PANK1: variants seen among roughly 807,000 people sequenced by gnomAD.
The protein encoded by PANK1 is pantothenic acid kinase 1.
Under a neutral mutation model 40.1 loss-of-function variants are expected in PANK1, and 18 were observed. The ratio of observed to expected loss-of-function variants is 0.45; its 90% CI spans 0.31 to 0.67. PANK1 has a LOEUF of 0.67. Among genes scored for constraint, PANK1 ranks in the 30% least tolerant of loss-of-function variants. The probability of loss-of-function intolerance (pLI) is 0.06; values close to 1 mark genes in which losing one functional copy is unlikely to be tolerated. For synonymous variants in PANK1, 242 were observed against 237.7 expected (o/e 1.02, Z -0.17); for missense variants, 457 against 599.6 (o/e 0.76, Z 2.48).
At chr10:89,627,978 A>G (rs1390384796) in intron 1 of PANK1, among the ~76,000 whole-genome samples, 1 of 152,242 alleles carries the variant, frequency 6.6e-6, no homozygotes, top group East Asian at 1.9e-4. Context: ...CAAAACCACA[A>G]TGAGATACGA....
Position 89,611,771 on chromosome 10 carries a change from C to T in PANK1, c.570G>A (p.Lys190=). 6.2e-7 allele frequency: 1 copy of T among 1,614,222 alleles called. No individual in the cohort carries two copies. Among genetic ancestry groups the T allele is most frequent in the Middle Eastern group, 1.6e-4 (1 of 6,062 alleles). The change falls in exon 2 of 7, where the codon AAG becomes AAA. Residue 190 remains lysine, a synonymous_variant. Transcript: ENST00000307534. ...GGGTGGTGTGAAGGCTAGAGAAGTT[C>T]TTCTCGCTGCCCATCTGAATGAACC... is the stretch of plus-strand genomic sequence containing the variant. ...MHRFIQMGSE[K]NFSSLHTTLC... is the part of the protein sequence containing the mutation.
At chr10:89,601,130 C>A (rs1365570357) in intron 2 of PANK1, among the ~76,000 whole-genome samples, 1 of 151,916 alleles carries the variant, frequency 6.6e-6, no homozygotes, top group Non-Finnish European at 1.5e-5. Flanking sequence ...TACACAAGTA[C>A]TAGACTCAGA....
intron 3 of PANK1, among the ~76,000 whole-genome samples, chr10:89,595,825 AAAAAAAAAATAT>A (rs1844555079): frequency 2.9e-5 from 2 of 69,360 alleles, no homozygotes; most frequent in East Asian, 5.9e-4. Flanking sequence ...TTAAAAAAAA[AAAAAAAAAATAT>A]ATATATATAT....
At chr10:89,580,274 T>C (rs1259721850), downstream of PANK1, 2 of 152,238 alleles carry the variant, frequency 1.3e-5, no homozygotes, top group Admixed American at 6.5e-5. Flanking sequence ...TATTCAAAAG[T>C]ACGTAACTTG....
intron 2 of PANK1, 79 bp downstream of exon 2, chr10:89,611,617 A>G: frequency 9.8e-7 from 1 of 1,022,842 alleles, no homozygotes; most frequent in Non-Finnish European, 1.4e-6. Flanking sequence ...GGCTAGTAGT[A>G]TGGTTCTTCG....
Position 89,599,383 on chromosome 10 carries a change from A to G in PANK1, c.768T>C (p.Asn256=). The G allele has an allele frequency of 6.2e-7, 1 of 1,614,034 alleles. No homozygotes were observed. The highest frequency in any genetic ancestry group is 8.5e-7 in the Non-Finnish European group (1 of 1,179,966). ...PECYYFENPT[N]PELCQKKPYC... ...ACGGCTTTTTTTGACACAATTCAGGATTTGTGGGATTTTCAAAATAGTAAC... is the reference window on the plus strand; with the variant it reads ...ACGGCTTTTTTTGACACAATTCAGGGTTTGTGGGATTTTCAAAATAGTAAC... Residue 256 remains asparagine, a synonymous_variant, in exon 3 of 7, where the codon AAT becomes AAC. Transcript: ENST00000307534.
At chr10:89,639,130 A>T (rs1007969401) in intron 1 of PANK1, 1 of 412,310 alleles carries the variant, frequency 2.4e-6, no homozygotes, top group Non-Finnish European at 5.0e-6. Flanking sequence ...AATAATGAAC[A>T]GAAATTTATT....
intron 1 of PANK1, among the ~76,000 whole-genome samples, chr10:89,640,945 C>A (rs1841950641): frequency 6.6e-6 from 1 of 152,190 alleles, no homozygotes; most frequent in African/African-American, 2.4e-5. Context: ...TGTTTGTATG[C>A]TTAATAGAAT....
In PANK1 at chr10:89,593,383, C is replaced by T. The variant is rs1205862980; in HGVS notation, c.1077-63G>A. The stretch of plus-strand genomic sequence containing the variant: ...CCTCAGGCAGGGCCCATCCTTCCAC[C>T]AAAGTATTGTGGAAGGCTCTACGAG... On this transcript the variant is annotated intron_variant, in intron 4 of 6. Coordinates refer to ENST00000307534, the MANE Select transcript of PANK1 (RefSeq NM_148977.3). 5.1e-6 allele frequency: 8 copies of T among 1,559,032 alleles called. No homozygotes were observed. The Admixed American group carries it at 8.8e-5, about 17-fold the overall frequency.
At chr10:89,623,523 CA>C (rs1845566656) in intron 1 of PANK1, among the ~76,000 whole-genome samples, 1 of 141,040 alleles carries the variant, frequency 7.1e-6, no homozygotes, top group African/African-American at 2.6e-5. Context: ...GTGCCTGGCC[CA>C]ATTTTTTTTT....
chr10:89,593,114 G>T, intron 5 of PANK1, 83 bp downstream of exon 5: 1 of 1,335,360 alleles, frequency 7.5e-7, no homozygotes, highest in Non-Finnish European at 1.1e-6. Context: ...ATATGTAGTT[G>T]TGTAAGAGTC....
Position 89,622,618 on chromosome 10 carries a change from G to A in PANK1, c.293-10570C>T, listed in dbSNP as rs779845074. Among the ~76,000 whole-genome samples the A allele has an allele frequency of 7.2e-5, 11 of 152,176 alleles. No homozygotes were observed. In the South Asian group the frequency reaches 2.3e-3, roughly 32 times the overall value. ...TAGGAGGCCGAGGTGGGCGGATCAC[G>A]AGGTCAGGAGATTGAGACCAGCCTG... is the stretch of plus-strand genomic sequence containing the variant. On this transcript the variant is annotated intron_variant, in intron 1 of 6. Transcript: ENST00000307534.
intron 2 of PANK1, among the ~76,000 whole-genome samples, chr10:89,601,652 C>T (rs771860326): frequency 3.9e-5 from 6 of 152,128 alleles, no homozygotes; most frequent in Non-Finnish European, 8.8e-5. Context: ...GGTTACCAAC[C>T]AGATAGTGGA....
chr10:89,609,019 GT>G (rs1564626326), intron 2 of PANK1, among the ~76,000 whole-genome samples: 1 of 152,046 alleles, frequency 6.6e-6, no homozygotes, highest in African/African-American at 2.4e-5. Flanking sequence ...CTTTGCCCTG[GT>G]TTTTTCCCTC....
chr10:89,615,348 T>C (rs1397634878), intron 1 of PANK1, among the ~76,000 whole-genome samples: 1 of 152,184 alleles, frequency 6.6e-6, no homozygotes, highest in Non-Finnish European at 1.5e-5. Flanking sequence ...TGTTGGTAAA[T>C]ACAGGTAACT....
Position 89,645,006 on chromosome 10 carries a change from C to T in PANK1, c.-115G>A. ...CCTGCGGCTTCCGATTCAGCAGCCG[C>T]AGAGCCGGCGCCTGGGGATGGCGAA... On this transcript the variant is annotated 5_prime_UTR_variant, in exon 1 of 7. Transcript: ENST00000307534. The T allele has an allele frequency of 6.4e-7, 1 of 1,568,276 alleles. No individual in the cohort carries two copies. Among genetic ancestry groups the T allele is most frequent in the Non-Finnish European group, 8.6e-7 (1 of 1,160,936 alleles).
At chr10:89,588,923 A>G in intron 5 of PANK1, 146 bp from the exon 6 acceptor site, 4 of 557,446 alleles carry the variant, frequency 7.2e-6, no homozygotes, top group Non-Finnish European at 1.1e-5. Context: ...CATCGCCAAA[A>G]TGAAGTTAAA....
rs530682852 is a variant in PANK1 at position 89,616,432 on chromosome 10, C to A, written c.293-4384G>T. Among the ~76,000 whole-genome samples, 68 of 152,280 alleles carry A rather than the reference C, an allele frequency of 4.5e-4. 2 individuals are homozygous for A. In the South Asian group the frequency reaches 0.01, roughly 23 times the overall value. ...TATGACAGATTTATATGATAGAATG[C>A]TACACAGTTATGAGAATCAATTATA... On this transcript the variant is annotated intron_variant, in intron 1 of 6. Coordinates refer to ENST00000307534, the MANE Select transcript of PANK1 (RefSeq NM_148977.3).
chr10:89,615,330 T>C (rs1311423419), intron 1 of PANK1, among the ~76,000 whole-genome samples: 1 of 152,138 alleles, frequency 6.6e-6, no homozygotes, highest in Non-Finnish European at 1.5e-5. Context: ...ACCTTTTATG[T>C]GGTTGGATGT....
Sources: gnomAD v4.1 joint callset for allele counts (sites outside exome capture counted in the v4.1 genomes callset) on GRCh38, gnomAD v4.1.1 for gene constraint, MANE v1.5 for transcripts, NCBI Gene and HGNC (gene_info 2026-07-23, HGNC 2026-07-21) for gene names.